Variants in IL17F observed in about 807,000 individuals in gnomAD.
IL17F encodes interleukin-17F.
A neutral mutation model predicts 8.3 loss-of-function variants in IL17F; 6 were observed. The ratio of observed to expected loss-of-function variants is 0.73; its 90% CI spans 0.40 to 1.43. The LOEUF (loss-of-function observed/expected upper bound fraction) is 1.43. Ranked by LOEUF, IL17F falls within the 40% of genes most tolerant of loss-of-function variation. The pLI, the probability that IL17F is intolerant of heterozygous loss-of-function variation, is 0.02. For synonymous variants in IL17F, 98 were observed against 81.6 expected (o/e 1.20, Z -1.08); for missense variants, 204 against 209.6 (o/e 0.97, Z 0.17).
In IL17F at chr6:52,237,020, G is replaced by C. The variant is rs969467406; in HGVS notation, c.403C>G (p.Gln135Glu). The C allele has an allele frequency of 2.5e-6, 4 of 1,614,092 alleles. No homozygotes were observed. The highest frequency in any genetic ancestry group is 3.4e-6 in the Non-Finnish European group (4 of 1,180,030). Residue 135 changes from glutamine (Q) to glutamate (E), a missense_variant, in exon 3 of 3, where the codon CAA becomes GAA. Gln to Glu is a conservative substitution (Grantham distance 29, BLOSUM62 2). Transcript: ENST00000336123. The part of the protein sequence containing the change: ...QETLVVRRKH[Q>E]GCSVSFQLEK... ...AACTGGAAAGAAACAGAGCAGCCTT[G>C]GTGCTTCCTCCGGACGACCAGGGTC...
At position 52,238,882 on chromosome 6, in the gene IL17F, G is replaced by C; in HGVS notation, c.102C>G (p.Pro34=). The change falls in exon 2 of 3, where the codon CCC becomes CCG. Residue 34 remains proline (P), a synonymous_variant. Coordinates refer to ENST00000336123, the MANE Select transcript of IL17F (RefSeq NM_052872.4). The part of the protein sequence containing the change: ...FLSEAAARKI[P]KVGHTFFQKP... The stretch of plus-strand genomic sequence containing the variant: ...TTTGGAAAAAAGTATGTCCTACTTT[G>C]GGGATTTTCCGAGCTGCCGCCTCAC... 6.2e-7 allele frequency: 1 copy of C among 1,614,012 alleles called. No individual in the cohort carries two copies. The highest frequency in any genetic ancestry group is 1.1e-5 in the South Asian group (1 of 91,066).
chr6:52,237,826 C>T (rs1763993799), intron 2 of IL17F, among the ~76,000 whole-genome samples: 1 of 148,072 alleles, frequency 6.8e-6, no homozygotes, highest in Non-Finnish European at 1.5e-5. Flanking sequence ...CCATGCACAG[C>T]CAAGGAGCAG....
intron 2 of IL17F, among the ~76,000 whole-genome samples, chr6:52,238,424 A>T (rs902904460): frequency 9.2e-5 from 14 of 152,208 alleles, no homozygotes; most frequent in South Asian, 6.2e-4. Context: ...TAATTATGCA[A>T]TCTGCTTTAA....
intron 2 of IL17F, among the ~76,000 whole-genome samples, chr6:52,237,894 C>T (rs1763997040): frequency 6.6e-6 from 1 of 151,972 alleles, no homozygotes; most frequent in Admixed American, 6.6e-5. Flanking sequence ...GGAAAACAGT[C>T]CCATTGGACA....
At chr6:52,244,904 G>T (rs779497801), upstream of IL17F, among the ~76,000 whole-genome samples, 6 of 152,174 alleles carry the variant, frequency 3.9e-5, no homozygotes, top group Non-Finnish European at 7.3e-5. Flanking sequence ...CCTTAGAGGA[G>T]CCTTGGTACT....
At chr6:52,244,868 C>A (rs529557224), upstream of IL17F, among the ~76,000 whole-genome samples, 6 of 152,280 alleles carry the variant, frequency 3.9e-5, no homozygotes, top group African/African-American at 1.4e-4. Context: ...CAATATGAAT[C>A]GTGATTTAAA....
At chr6:52,239,590 A>C (rs1227828413) in intron 1 of IL17F, among the ~76,000 whole-genome samples, 2 of 152,146 alleles carry the variant, frequency 1.3e-5, no homozygotes, top group Admixed American at 6.5e-5. Context: ...TATTATCCTT[A>C]AATTATAAAG....
intron 1 of IL17F, among the ~76,000 whole-genome samples, chr6:52,243,069 C>T (rs1285645388): frequency 2.0e-5 from 3 of 152,150 alleles, no homozygotes; most frequent in Admixed American, 2.0e-4. Context: ...GCCAGGTCTG[C>T]CTGACATCAA....
chr6:52,237,573 G>A (rs16869356), intron 2 of IL17F, among the ~76,000 whole-genome samples: 1,627 of 151,744 alleles, frequency 0.011, 31 homozygotes, highest in African/African-American at 0.037. Flanking sequence ...ATCACTAGTC[G>A]GTCTACAGAG....
upstream of IL17F, among the ~76,000 whole-genome samples, chr6:52,245,581 G>T (rs530887445): frequency 1.3e-5 from 2 of 152,296 alleles, no homozygotes; most frequent in African/African-American, 2.4e-5. Context: ...CATGGAGCTG[G>T]GGTGCACCAC....
intron 1 of IL17F, among the ~76,000 whole-genome samples, chr6:52,242,584 A>C (rs753431380): frequency 1.3e-4 from 20 of 152,248 alleles, no homozygotes; most frequent in South Asian, 2.1e-4. Flanking sequence ...ATGGCTTTAA[A>C]TTCACAAATC....
chr6:52,239,952 T>C (rs1318461332), intron 1 of IL17F, among the ~76,000 whole-genome samples: 6 of 152,138 alleles, frequency 3.9e-5, no homozygotes, highest in South Asian at 2.1e-4. Flanking sequence ...TATACTTACG[T>C]TGAAATGCCA....
rs751817035 is a variant in IL17F at position 52,237,120 on chromosome 6, C to A, written c.303G>T (p.Gln101His). The A allele has an allele frequency of 1.2e-6, 2 of 1,614,200 alleles. No individual in the cohort carries two copies. The highest frequency in any genetic ancestry group is 1.7e-6 in the Non-Finnish European group (2 of 1,180,016). Residue 101 changes from glutamine (Q) to histidine (H), a missense_variant, in exon 3 of 3, where the codon CAG becomes CAT. By Grantham distance (24) the Gln-to-His change is conservative. Coordinates refer to ENST00000336123, the MANE Select transcript of IL17F (RefSeq NM_052872.4). Reference sequence around the variant, plus strand: ...CATTGATGCAGCCCAAGTTCCTACACTGGGCCTGTACAACTTCCGAGGGGT... The same window carrying A: ...CATTGATGCAGCCCAAGTTCCTACAATGGGCCTGTACAACTTCCGAGGGGT... ...NRYPSEVVQA[Q>H]CRNLGCINAQ...
chr6:52,236,946 G>A lies in IL17F; in HGVS notation c.477C>T (p.Ile159=), dbSNP rs149025136. Residue 159 remains isoleucine (I), a synonymous_variant, in exon 3 of 3, where the codon ATC becomes ATT. Transcript: ENST00000336123. ...TVGCTCVTPV[I]HHVQ is the part of the protein sequence containing the mutation. ...TATGCACCTCTTACTGCACATGGTGGATGACAGGGGTGACGCAGGTGCAGC... is the reference window on the plus strand; with the variant it reads ...TATGCACCTCTTACTGCACATGGTGAATGACAGGGGTGACGCAGGTGCAGC... 4 of 1,613,660 alleles carry A rather than the reference G, an allele frequency of 2.5e-6. No homozygotes were observed. The highest frequency in any genetic ancestry group is 3.4e-6 in the Non-Finnish European group (4 of 1,179,536).
At chr6:52,239,119 G>A in intron 1 of IL17F, 169 bp from the exon 2 acceptor site, 1 of 661,038 alleles carries the variant, frequency 1.5e-6, no homozygotes, top group Non-Finnish European at 2.7e-6. Flanking sequence ...AAGGTATCAA[G>A]GTGCCAAACT....
chr6:52,240,885 C>CAAA (rs58169108), intron 1 of IL17F, among the ~76,000 whole-genome samples: 36 of 138,858 alleles, frequency 2.6e-4, no homozygotes, highest in African/African-American at 7.3e-4. Flanking sequence ...TCTGTTTCCT[C>CAAA]AAAAAAAAAA....
intron 1 of IL17F, 107 bp from the exon 2 acceptor site, chr6:52,239,057 G>T (rs750787876): frequency 9.4e-6 from 9 of 960,218 alleles, no homozygotes; most frequent in Non-Finnish European, 1.5e-5. Flanking sequence ...TGGGATCAGG[G>T]CTTCTCTTTG....
In IL17F at chr6:52,236,967, G is replaced by A. The variant is rs1345707985; in HGVS notation, c.456C>T (p.Cys152=). Residue 152 remains cysteine, a synonymous_variant, in exon 3 of 3, where the codon TGC becomes TGT. Transcript: ENST00000336123. ...GGTGGATGACAGGGGTGACGCAGGTGCAGCCAACAGTCACCAGCACCTTCT... is the reference window on the plus strand; with the variant it reads ...GGTGGATGACAGGGGTGACGCAGGTACAGCCAACAGTCACCAGCACCTTCT... The part of the protein sequence containing the change: ...QLEKVLVTVG[C]TCVTPVIHHV... 3.7e-6 allele frequency: 6 copies of A among 1,614,146 alleles called. No individual in the cohort carries two copies. Among genetic ancestry groups the A allele is most frequent in the Non-Finnish European group, 5.1e-6 (6 of 1,179,968 alleles).
upstream of IL17F, among the ~76,000 whole-genome samples, chr6:52,245,053 A>ACTC (rs1325593505): frequency 6.6e-6 from 1 of 152,092 alleles, no homozygotes; most frequent in Non-Finnish European, 1.5e-5. Context: ...CCATGGTTAG[A>ACTC]CTCCTACTGG....
Sources: gnomAD v4.1 joint callset for allele counts (sites outside exome capture counted in the v4.1 genomes callset) on GRCh38, gnomAD v4.1.1 for gene constraint, MANE v1.5 for transcripts, NCBI Gene and HGNC (gene_info 2026-07-23, HGNC 2026-07-21) for gene names.